Variants in STAB1 observed in about 807,000 individuals in gnomAD.
STAB1 encodes stabilin-1.
In STAB1, 250 loss-of-function variants were observed where a neutral mutation model predicts 332.4. The observed-to-expected ratio is 0.75, with a 90% CI of 0.68 to 0.84. The LOEUF (loss-of-function observed/expected upper bound fraction) is 0.84. Among genes scored for constraint, STAB1 ranks in the 40% least tolerant of loss-of-function variants. The pLI is 0.00. For synonymous variants in STAB1, 1,475 were observed against 1,390.4 expected (o/e 1.06, Z -1.35); for missense variants, 3,249 against 3,489.7 (o/e 0.93, Z 1.74).
intron 18 of STAB1, among the ~76,000 whole-genome samples, 155 bp downstream of exon 18, chr3:52,507,005 C>T (rs1708928404): frequency 6.6e-6 from 1 of 152,230 alleles, no homozygotes; most frequent in Admixed American, 6.5e-5. Flanking sequence ...CCTGTGCTTC[C>T]CCCACGCTCA....
chr3:52,499,079 G>A (rs906623599), intron 1 of STAB1, among the ~76,000 whole-genome samples: 44 of 152,204 alleles, frequency 2.9e-4, no homozygotes, highest in Non-Finnish European at 2.1e-4. Flanking sequence ...ATTATTCCAG[G>A]AAAGGGATGT....
At position 52,506,785 on chromosome 3, in the gene STAB1, C is replaced by A; in HGVS notation, c.1924C>A (p.Leu642Met). The A allele has an allele frequency of 1.2e-6, 2 of 1,613,200 alleles. No homozygotes were observed. Among genetic ancestry groups the A allele is most frequent in the Non-Finnish European group, 1.7e-6 (2 of 1,179,950 alleles). Reference sequence around the variant, plus strand: ...GATCCACATGCTGGACGGCATCCTGCTGCCCCCGACCATCCTGCCCATCCT... The same window carrying A: ...GATCCACATGCTGGACGGCATCCTGATGCCCCCGACCATCCTGCCCATCCT... Reference protein sequence around the residue: ...GVIHMLDGILLPPTILPILPK... With the variant: ...GVIHMLDGILMPPTILPILPK... Residue 642 changes from leucine (L) to methionine (M), a missense_variant, in exon 18 of 69, where the codon CTG becomes ATG. Physicochemically the swap from Leu to Met is conservative, Grantham distance 15. Transcript: ENST00000321725.
At position 52,523,090 on chromosome 3, in the gene STAB1, C is replaced by T; in HGVS notation, c.6976C>T (p.Leu2326=). The T allele has an allele frequency of 6.4e-7, 1 of 1,573,098 alleles. No homozygotes were observed. Among genetic ancestry groups the T allele is most frequent in the Non-Finnish European group, 8.6e-7 (1 of 1,158,020 alleles). Residue 2326 remains leucine (L), a synonymous_variant, in exon 63 of 69, where the codon CTG becomes TTG. Transcript: ENST00000321725. The stretch of plus-strand genomic sequence containing the variant: ...GATCAGCACGTGCAATGGGAAGCTG[C>T]TGGATGTGCTGGCTGCCACTGCCAA... ...DGISTCNGKL[L]DVLAATANFS... is the part of the protein sequence containing the mutation.
Position 52,505,392 on chromosome 3 carries a change from G to A in STAB1, c.1581+11G>A, listed in dbSNP as rs1485566452. On this transcript the variant is annotated intron_variant, in intron 14 of 68. Transcript: ENST00000321725. ...GAAACCATCCTGGAGGTAAGCTCGG[G>A]GGAGGGGTCCTAGCCCATGTGGGCT... 2 of 1,612,296 alleles carry A rather than the reference G, an allele frequency of 1.2e-6. No individual in the cohort carries two copies. The highest frequency in any genetic ancestry group is 1.3e-5 in the African/African-American group (1 of 74,876).
Position 52,522,933 on chromosome 3 carries a change from T to A in STAB1, c.6903T>A (p.Arg2301=), listed in dbSNP as rs1331658195. The A allele has an allele frequency of 3.7e-6, 6 of 1,612,866 alleles. No homozygotes were observed. The highest frequency in any genetic ancestry group is 4.2e-6 in the Non-Finnish European group (5 of 1,179,632). Residue 2301 remains arginine, a synonymous_variant, in exon 62 of 69, where the codon CGT becomes CGA. Transcript: ENST00000321725. ...AACGCTGGGATGCCTACTGCTTCCG[T>A]GTGCAAGGTGTGTCCACCCGACCAA... ...LSERWDAYCF[R]VQDVACRCRN... is the part of the protein sequence containing the mutation.
chr3:52,517,798 CT>C, intron 44 of STAB1, 82 bp from the exon 45 acceptor site: 1 of 1,599,132 alleles, frequency 6.3e-7, no homozygotes, highest in Non-Finnish European at 8.5e-7. Context: ...GAGCAGGGGC[CT>C]TCATGGCCTC....
chr3:52,507,762 A>G (rs1708983345), intron 19 of STAB1, 87 bp downstream of exon 19: 1 of 1,556,602 alleles, frequency 6.4e-7, no homozygotes, highest in Non-Finnish European at 8.8e-7. Flanking sequence ...TGGGGGAAGC[A>G]GAGGCTGGGA....
Position 52,517,579 on chromosome 3 carries a change from C to G in STAB1, c.4593C>G (p.Ser1531Arg). The change falls in exon 44 of 69, where the codon AGC becomes AGG. Residue 1531 changes from serine (S) to arginine (R), a missense_variant. Transcript: ENST00000321725. ...QVSCSCREGY[S>R]GDGIRTCELL... ...CCTGCAGCTGCCGTGAGGGTTACAG[C>G]GGGGATGGCATCCGGACCTGCGAGC... The G allele has an allele frequency of 6.2e-7, 1 of 1,612,840 alleles. No individual in the cohort carries two copies. Among genetic ancestry groups the G allele is most frequent in the African/African-American group, 1.3e-5 (1 of 75,026 alleles).
intron 11 of STAB1, 30 bp from the exon 12 acceptor site, chr3:52,504,709 C>A: frequency 1.2e-6 from 2 of 1,613,500 alleles, no homozygotes; most frequent in Non-Finnish European, 1.7e-6. Context: ...GGCCCCCCGG[C>A]TCACTTTGCT....
In STAB1 at chr3:52,516,167, G is replaced by A; in HGVS notation, c.4073G>A (p.Cys1358Tyr). The A allele has an allele frequency of 6.2e-7, 1 of 1,612,426 alleles. No homozygotes were observed. Among genetic ancestry groups the A allele is most frequent in the Non-Finnish European group, 8.5e-7 (1 of 1,179,814 alleles). ...DRFLGSGECHCHEGFHGTACE... is the reference protein window; with the variant it reads ...DRFLGSGECHYHEGFHGTACE... ...TTCCTGGGCAGCGGGGAGTGCCACT[G>A]CCACGAGGGCTTCCATGGAACGGCC... The change falls in exon 38 of 69, where the codon TGC (cysteine) becomes TAC (tyrosine). Residue 1358 changes from cysteine (C) to tyrosine (Y), a missense_variant. Physicochemically the swap from Cys to Tyr is radical, Grantham distance 194 (BLOSUM62 -2). Coordinates refer to ENST00000321725, the MANE Select transcript of STAB1 (RefSeq NM_015136.3).
Position 52,508,258 on chromosome 3 carries a change from T to G in STAB1, c.2149-15T>G. 2 of 1,606,164 alleles carry G rather than the reference T, an allele frequency of 1.2e-6. No homozygotes were observed. ...GGACCCAGATGGCCTCTTGGACCTG[T>G]TCTGTCTCTTATAGGAACAAGGCTG... On this transcript the variant is annotated splice_polypyrimidine_tract_variant and intron_variant, in intron 20 of 68. Coordinates refer to ENST00000321725, the MANE Select transcript of STAB1 (RefSeq NM_015136.3).
Position 52,505,943 on chromosome 3 carries a change from G to C in STAB1, c.1749+7G>C. The C allele has an allele frequency of 2.2e-5, 36 of 1,613,508 alleles. No homozygotes were observed. The highest frequency in any genetic ancestry group is 3.1e-5 in the Non-Finnish European group (36 of 1,180,038). On this transcript the variant is annotated splice_region_variant and intron_variant, in intron 16 of 68. Coordinates refer to ENST00000321725, the MANE Select transcript of STAB1 (RefSeq NM_015136.3). Reference sequence around the variant, plus strand: ...CATCTACAACCACGGCCAGGTGCGAGGTCTTTTTCTGGGGGGCGGCCAGCT... The same window carrying C: ...CATCTACAACCACGGCCAGGTGCGACGTCTTTTTCTGGGGGGCGGCCAGCT...
At position 52,512,360 on chromosome 3, in the gene STAB1, G is replaced by A. The variant is rs752737156; in HGVS notation, c.2903G>A (p.Gly968Glu). ...CHGLATCRAV[G>E]GGQRVCTCPP... ...CCCCAGGCCACCTGCCGGGCAGTGGGGGGAGGTCAGCGGGTCTGCACGTGC... is the reference window on the plus strand; with the variant it reads ...CCCCAGGCCACCTGCCGGGCAGTGGAGGGAGGTCAGCGGGTCTGCACGTGC... Residue 968 changes from glycine to glutamate, a missense_variant, in exon 27 of 69, where the codon GGG becomes GAG. By Grantham distance (98) the Gly-to-Glu change is moderately conservative. Transcript: ENST00000321725. The A allele has an allele frequency of 1.5e-5, 24 of 1,612,864 alleles. 1 individual carries two copies. The South Asian group carries it at 2.4e-4, about 16-fold the overall frequency.
chr3:52,514,886 A>G, intron 35 of STAB1, 57 bp downstream of exon 35: 1 of 1,612,742 alleles, frequency 6.2e-7, no homozygotes, highest in African/African-American at 1.3e-5. Context: ...GGGAGGGCCT[A>G]GCTGACCTGA....
At position 52,516,991 on chromosome 3, in the gene STAB1, C is replaced by A. The variant is rs377536288; in HGVS notation, c.4371C>A (p.Asp1457Glu). Reference protein sequence around the residue: ...SGNGIFCSEVDPCAHGHGGCS... With the variant: ...SGNGIFCSEVEPCAHGHGGCS... ...CTGGCCATCTCCCCTTAGAGGTGGA[C>A]CCCTGCGCCCACGGCCATGGGGGCT... The change falls in exon 42 of 69, where the codon GAC becomes GAA. Residue 1457 changes from aspartate (D) to glutamate (E), a missense_variant. Physicochemically the swap from Asp to Glu is conservative, Grantham distance 45. Transcript: ENST00000321725. 3.4e-5 allele frequency: 55 copies of A among 1,610,032 alleles called. No individual in the cohort carries two copies. Among genetic ancestry groups the A allele is most frequent in the Non-Finnish European group, 4.3e-5 (51 of 1,179,014 alleles).
At position 52,524,458 on chromosome 3, in the gene STAB1, A is replaced by C; in HGVS notation, c.*102A>C. On this transcript the variant is annotated 3_prime_UTR_variant, in exon 69 of 69. Transcript: ENST00000321725. ...AGGGGCTGAGGGCCTGTCCCAGACA[A>C]TAAAGGTGCCCTCAGCGGATGTGGG... 6.2e-7 allele frequency: 1 copy of C among 1,612,724 alleles called. No individual in the cohort carries two copies. The highest frequency in any genetic ancestry group is 1.1e-5 in the South Asian group (1 of 91,080).
rs370690564 is a variant in STAB1 at position 52,499,832 on chromosome 3, G to C, written c.79-1334G>C. On this transcript the variant is annotated intron_variant, in intron 1 of 68. Transcript: ENST00000321725. ...GAGAATGGCGTGAACCCGGGAGGCG[G>C]AGCTTGCAGTGAGCCGAGATCCCGC... Among the ~76,000 whole-genome samples the C allele has an allele frequency of 1.4e-4, 20 of 144,202 alleles. No homozygotes were observed. The East Asian group carries it at 3.7e-3, about 26-fold the overall frequency. 94.6% of individuals were successfully genotyped at this position (144,202 alleles called of 152,430 possible).
chr3:52,516,918 C>T, intron 41 of STAB1, 66 bp from the exon 42 acceptor site: 1 of 1,604,686 alleles, frequency 6.2e-7, no homozygotes, highest in Non-Finnish European at 8.5e-7. Context: ...CTCTCACGCC[C>T]TCCTCTCCTG....
intron 25 of STAB1, 21 bp downstream of exon 25, chr3:52,510,528 G>C (rs1344838103): frequency 6.2e-7 from 1 of 1,606,874 alleles, no homozygotes; most frequent in African/African-American, 1.3e-5. Flanking sequence ...GCAGAGAAGG[G>C]GTGGGGGCCT....
Sources: gnomAD v4.1 joint callset for allele counts (sites outside exome capture counted in the v4.1 genomes callset) on GRCh38, gnomAD v4.1.1 for gene constraint, MANE v1.5 for transcripts, NCBI Gene and HGNC (gene_info 2026-07-23, HGNC 2026-07-21) for gene names.